PRICKLE1: variants seen among roughly 807,000 people sequenced by gnomAD.
PRICKLE1 encodes the protein prickle-like protein 1.
A neutral mutation model predicts 70.2 loss-of-function variants in PRICKLE1; 14 were observed. The observed-to-expected ratio is 0.20, with a 90% CI of 0.13 to 0.31. The LOEUF is 0.31. Among genes scored for constraint, PRICKLE1 ranks in the 10% least tolerant of loss-of-function variants. The pLI is 1.00. For synonymous variants in PRICKLE1, 357 were observed against 379.9 expected (o/e 0.94, Z 0.70); for missense variants, 821 against 1,026.2 (o/e 0.80, Z 2.73).
At chr12:42,527,967 A>C (rs1404825853) in intron 1 of PRICKLE1, among the ~76,000 whole-genome samples, 1 of 8,668 alleles carries the variant, frequency 1.2e-4, no homozygotes, top group Non-Finnish European at 3.4e-4. Flanking sequence ...ATATATATAT[A>C]TATATCTCCA....
chr12:42,480,165 T>C (rs1938741741), intron 1 of PRICKLE1, among the ~76,000 whole-genome samples: 7 of 152,214 alleles, frequency 4.6e-5, no homozygotes. Flanking sequence ...TTCTCCCTGC[T>C]CTCATAATGT....
At chr12:42,573,962 C>T (rs1246475836) in intron 1 of PRICKLE1, among the ~76,000 whole-genome samples, 1 of 152,118 alleles carries the variant, frequency 6.6e-6, no homozygotes, top group Non-Finnish European at 1.5e-5. Flanking sequence ...ACTATTATTT[C>T]TTTCTCAGCA....
At chr12:42,475,572 C>T (rs1938492133) in intron 1 of PRICKLE1, among the ~76,000 whole-genome samples, 1 of 152,118 alleles carries the variant, frequency 6.6e-6, no homozygotes, top group African/African-American at 2.4e-5. Flanking sequence ...GCTACCTGCG[C>T]TGCAGACACA....
chr12:42,556,499 G>C (rs940340692), intron 1 of PRICKLE1, among the ~76,000 whole-genome samples: 13 of 152,168 alleles, frequency 8.5e-5, no homozygotes, highest in African/African-American at 3.1e-4. Context: ...TGATTTGCTG[G>C]AGATCATGCA....
Position 42,465,049 on chromosome 12 carries a change from C to A in PRICKLE1, c.985G>T (p.Asp329Tyr). Residue 329 changes from aspartate to tyrosine, a missense_variant, in exon 7 of 8, where the codon GAC becomes TAC. Asp to Tyr is a radical substitution (Grantham distance 160, BLOSUM62 -3). Coordinates refer to ENST00000345127, the MANE Select transcript of PRICKLE1 (RefSeq NM_153026.3). ...CCCATTCGGACACTTCTTCGGGAGT[C>A]TCTTGATCGAGCTGACTGAAATGCA... ...DSAFQSARSR[D>Y]SRRSVRMGKS... The A allele has an allele frequency of 6.3e-7, 1 of 1,582,936 alleles. No homozygotes were observed. Among genetic ancestry groups the A allele is most frequent in the South Asian group, 1.2e-5 (1 of 84,902 alleles).
intron 1 of PRICKLE1, among the ~76,000 whole-genome samples, chr12:42,493,805 C>G (rs896165784): frequency 3.3e-5 from 5 of 150,410 alleles, no homozygotes; most frequent in Admixed American, 6.7e-5. Context: ...CTACTGGGAG[C>G]TCTGATTGCA....
intron 1 of PRICKLE1, among the ~76,000 whole-genome samples, chr12:42,493,568 CCA>C (rs1397182283): frequency 2.0e-5 from 3 of 152,062 alleles, no homozygotes; most frequent in African/African-American, 4.8e-5. Flanking sequence ...TCTTCTATTC[CCA>C]GTTTGTTTAT....
intron 5 of PRICKLE1, among the ~76,000 whole-genome samples, chr12:42,467,399 G>A (rs1051876704): frequency 2.0e-5 from 3 of 151,550 alleles, no homozygotes; most frequent in African/African-American, 4.9e-5. Flanking sequence ...ACAGGCGTGA[G>A]CCACCGAGCC....
At chr12:42,477,532 A>G (rs11181516) in intron 1 of PRICKLE1, among the ~76,000 whole-genome samples, 85,821 of 137,094 alleles carry the variant, frequency 0.63, 27,436 homozygotes, top group African/African-American at 0.72. Flanking sequence ...ATATATATAT[A>G]TGACCTCACA....
intron 1 of PRICKLE1, among the ~76,000 whole-genome samples, chr12:42,550,724 T>C (rs1055255551): frequency 3.3e-5 from 5 of 152,182 alleles, no homozygotes; most frequent in Admixed American, 1.3e-4. Context: ...CATAAAAACT[T>C]AGAACCAGCA....
chr12:42,587,848 G>A (rs556095616), intron 1 of PRICKLE1, among the ~76,000 whole-genome samples: 66 of 152,298 alleles, frequency 4.3e-4, no homozygotes, highest in African/African-American at 1.5e-3. Context: ...CAAATACTGC[G>A]TCATCCTTAC....
At chr12:42,463,879 C>T (rs1424941193) in intron 7 of PRICKLE1, among the ~76,000 whole-genome samples, 1 of 152,242 alleles carries the variant, frequency 6.6e-6, no homozygotes, top group African/African-American at 2.4e-5. Context: ...TAAAACCTAT[C>T]CCTAAAGACT....
Position 42,468,623 on chromosome 12 carries a change from T to TA in PRICKLE1, c.588+2dup. 6.2e-7 allele frequency: 1 copy of TA among 1,613,748 alleles called. No homozygotes were observed. The highest frequency in any genetic ancestry group is 8.5e-7 in the Non-Finnish European group (1 of 1,179,824). On this transcript the variant is annotated splice_region_variant and intron_variant, in intron 5 of 7. Transcript: ENST00000345127. ...CAGTGTGAAAGGATGAACTTTTTTT[T>TA]ACCTCGTCACATGCTGAGCACCGTG...
chr12:42,560,768 TCACACA>T (rs71084672), intron 1 of PRICKLE1, among the ~76,000 whole-genome samples: 16,905 of 127,260 alleles, frequency 0.13, 1,242 homozygotes, highest in Non-Finnish European at 0.17. Flanking sequence ...GCCCATCTTC[TCACACA>T]CACACACACA....
At chr12:42,566,444 G>A (rs1159020957) in intron 1 of PRICKLE1, among the ~76,000 whole-genome samples, 1 of 152,190 alleles carries the variant, frequency 6.6e-6, no homozygotes, top group South Asian at 2.1e-4. Flanking sequence ...CTGTGAGACA[G>A]AGAGTACTCC....
chr12:42,468,960 A>G (rs1938213412), intron 4 of PRICKLE1, 131 bp from the exon 5 acceptor site: 1 of 844,206 alleles, frequency 1.2e-6, no homozygotes, highest in Admixed American at 2.0e-5. Flanking sequence ...TAGTGATTAA[A>G]TAGCTCTTTA....
chr12:42,549,228 C>T (rs1016654809), intron 1 of PRICKLE1, among the ~76,000 whole-genome samples: 5 of 151,904 alleles, frequency 3.3e-5, no homozygotes, highest in African/African-American at 9.7e-5. Flanking sequence ...GCTACCCGCC[C>T]AGCGTTCCTC....
At chr12:42,588,904 G>A (rs928263821) in intron 1 of PRICKLE1, among the ~76,000 whole-genome samples, 26 of 152,172 alleles carry the variant, frequency 1.7e-4, no homozygotes, top group African/African-American at 6.0e-4. Context: ...CTCAAGAGAG[G>A]AAGACGCTCC....
At chr12:42,516,196 A>G (rs914582253) in intron 1 of PRICKLE1, among the ~76,000 whole-genome samples, 1 of 151,872 alleles carries the variant, frequency 6.6e-6, no homozygotes, top group Non-Finnish European at 1.5e-5. Context: ...CAGTGGTGCA[A>G]TCTCGGCTCA....
Sources: gnomAD v4.1 joint callset for allele counts (sites outside exome capture counted in the v4.1 genomes callset) on GRCh38, gnomAD v4.1.1 for gene constraint, MANE v1.5 for transcripts, NCBI Gene and HGNC (gene_info 2026-07-23, HGNC 2026-07-21) for gene names.